ZNF644: variants seen among roughly 807,000 people sequenced by gnomAD.
The protein encoded by ZNF644 is zinc finger motif enhancer binding protein 2.
ZNF644 carries 20 observed loss-of-function variants against 108.0 expected under a neutral mutation model. That is an observed-to-expected ratio of 0.19 (90% CI 0.13 to 0.27). The LOEUF is 0.27. ZNF644 is among the 10% of genes least tolerant of loss of function. The pLI is 1.00. For synonymous variants in ZNF644, 542 were observed against 539.1 expected (o/e 1.01, Z -0.08); for missense variants, 1,338 against 1,548.9 (o/e 0.86, Z 2.29).
intron 2 of ZNF644, among the ~76,000 whole-genome samples, chr1:90,949,871 A>T (rs1652903620): frequency 6.6e-6 from 1 of 152,126 alleles, no homozygotes; most frequent in African/African-American, 2.4e-5. Flanking sequence ...TTAGCAGCTA[A>T]ATTTGCGTGT....
In ZNF644 at chr1:90,916,695, T is replaced by TC. The variant is rs1202650333; in HGVS notation, c.*102dup. 7.7e-7 allele frequency: 1 copy of TC among 1,293,014 alleles called. No individual in the cohort carries two copies. The highest frequency in any genetic ancestry group is 1.1e-6 in the Non-Finnish European group (1 of 910,504). 80.1% of individuals were successfully genotyped at this position (1,293,014 alleles called of 1,614,324 possible). A position where few individuals can be genotyped will look rare whatever the true frequency, so the allele number is the denominator to read the frequency against. On this transcript the variant is annotated 3_prime_UTR_variant, in exon 6 of 6. Transcript: ENST00000337393. The stretch of plus-strand genomic sequence containing the variant: ...ACTGTAATTCACTTTCCCCCCATTT[T>TC]CCTGCTTTAGTATTTATAAACAGAT...
chr1:90,934,148 C>T (rs1008652956), intron 4 of ZNF644, among the ~76,000 whole-genome samples: 24 of 152,172 alleles, frequency 1.6e-4, no homozygotes, highest in Admixed American at 6.5e-5. Context: ...ATTATAATCT[C>T]AGAGTAGGAG....
chr1:91,018,580 A>G (rs976595713), intron 1 of ZNF644, among the ~76,000 whole-genome samples: 8 of 152,380 alleles, frequency 5.3e-5, no homozygotes, highest in Middle Eastern at 3.4e-3. Context: ...AATCAGGGTT[A>G]GATAACTCAA....
At chr1:90,931,543 T>C (rs1440885750) in intron 4 of ZNF644, among the ~76,000 whole-genome samples, 2 of 152,134 alleles carry the variant, frequency 1.3e-5, no homozygotes, top group Non-Finnish European at 2.9e-5. Flanking sequence ...TCATAAATTA[T>C]CTACAAGTGA....
chr1:91,021,355 A>G (rs1034952328), intron 1 of ZNF644: 3 of 152,268 alleles, frequency 2.0e-5, no homozygotes, highest in Non-Finnish European at 4.4e-5. Context: ...TCCTGTCCCA[A>G]GTAAGGGGAG....
At chr1:90,950,102 ACC>A in intron 2 of ZNF644, among the ~76,000 whole-genome samples, 1 of 150,716 alleles carries the variant, frequency 6.6e-6, no homozygotes, top group Middle Eastern at 3.4e-3. Context: ...ACATGGTGAA[ACC>A]CCGTCTCTAC....
In ZNF644 at chr1:90,922,335, G is replaced by C. The variant is rs114242115; in HGVS notation, c.3689-4181C>G. Among the ~76,000 whole-genome samples, 524 of 152,260 alleles carry C rather than the reference G, an allele frequency of 3.4e-3. 2 individuals are homozygous for C. Among genetic ancestry groups the C allele is most frequent in the Non-Finnish European group, 5.1e-3 (344 of 68,006 alleles). On this transcript the variant is annotated intron_variant, in intron 4 of 5. Coordinates refer to ENST00000337393, the MANE Select transcript of ZNF644 (RefSeq NM_201269.3). The stretch of plus-strand genomic sequence containing the variant: ...GGGGTATCTATACCCAAAGTAAGAG[G>C]CACAGTATACCCCTACGAGAGGGAA...
intron 1 of ZNF644, among the ~76,000 whole-genome samples, chr1:91,015,228 G>T (rs1660326995): frequency 6.6e-6 from 1 of 152,112 alleles, no homozygotes; most frequent in East Asian, 1.9e-4. Context: ...GTGCTAGGAG[G>T]AGGTTGGTGG....
At position 90,937,956 on chromosome 1, in the gene ZNF644, T is replaced by G; in HGVS notation, c.3217A>C (p.Lys1073Gln). ...RLGKTKWDAH[K>Q]SPICVLNEMM... ...TCATTCAGAACACAGATTGGAGATTTGTGAGCATCCCATTTCGTCTTTCCA... is the reference window on the plus strand; with the variant it reads ...TCATTCAGAACACAGATTGGAGATTGGTGAGCATCCCATTTCGTCTTTCCA... The change falls in exon 4 of 6, where the codon AAA becomes CAA. Residue 1073 changes from lysine to glutamine, a missense_variant. By Grantham distance (53) the Lys-to-Gln change is moderately conservative. Transcript: ENST00000337393. 2 of 1,613,238 alleles carry G rather than the reference T, an allele frequency of 1.2e-6. No homozygotes were observed. Among genetic ancestry groups the G allele is most frequent in the Non-Finnish European group, 1.7e-6 (2 of 1,179,888 alleles).
chr1:90,932,082 A>T (rs1266673120), intron 4 of ZNF644, among the ~76,000 whole-genome samples: 2 of 152,204 alleles, frequency 1.3e-5, no homozygotes, highest in Non-Finnish European at 2.9e-5. Flanking sequence ...GAAGTATTTA[A>T]GTTACCAGTA....
chr1:90,921,581 C>CT (rs1389855156), intron 4 of ZNF644, among the ~76,000 whole-genome samples: 1 of 151,896 alleles, frequency 6.6e-6, no homozygotes, highest in Non-Finnish European at 1.5e-5. Flanking sequence ...TCATCCAAAC[C>CT]TTCCTAAGAT....
chr1:90,997,497 A>G (rs530499535), intron 1 of ZNF644, among the ~76,000 whole-genome samples: 1 of 152,242 alleles, frequency 6.6e-6, no homozygotes, highest in Admixed American at 6.5e-5. Context: ...GAATCTGATT[A>G]TCAGAGTTGT....
At chr1:90,983,250 A>C (rs1159914155) in intron 1 of ZNF644, among the ~76,000 whole-genome samples, 1 of 152,028 alleles carries the variant, frequency 6.6e-6, no homozygotes, top group Non-Finnish European at 1.5e-5. Flanking sequence ...CAGACCTAGA[A>C]TTTTCTGCAT....
chr1:91,010,844 T>C (rs1213692891), intron 1 of ZNF644, among the ~76,000 whole-genome samples: 6 of 151,992 alleles, frequency 3.9e-5, no homozygotes, highest in Non-Finnish European at 8.8e-5. Flanking sequence ...GTTATGAAAA[T>C]TGGGGGAAAT....
chr1:91,007,570 A>G (rs1047938341), intron 1 of ZNF644, among the ~76,000 whole-genome samples: 33 of 151,546 alleles, frequency 2.2e-4, no homozygotes, highest in Non-Finnish European at 7.4e-5. Context: ...TAGTTTTCTT[A>G]TTTTCTCCCA....
At chr1:91,007,202 T>C (rs984823423) in intron 1 of ZNF644, among the ~76,000 whole-genome samples, 7 of 150,844 alleles carry the variant, frequency 4.6e-5, no homozygotes, top group African/African-American at 7.3e-5. Context: ...TTATTCTTAA[T>C]TTCTTCCATT....
rs774350391 is a variant in ZNF644, at chr1:90,939,393, T to C, written c.1961A>G (p.Asn654Ser). 1.2e-6 allele frequency: 2 copies of C among 1,613,944 alleles called. No homozygotes were observed. Among genetic ancestry groups the C allele is most frequent in the Non-Finnish European group, 1.7e-6 (2 of 1,179,940 alleles). ...CTTCACATCTTGTTTTAAAGCAGAG[T>C]TCTTTGGAAATGTGGTTGACTGTTG... ...TKQQSTTFPKNSALKQDVKRT... is the reference protein window; with the variant it reads ...TKQQSTTFPKSSALKQDVKRT... The change falls in exon 3 of 6, where the codon AAC (asparagine) becomes AGC (serine). Residue 654 changes from asparagine (N) to serine (S), a missense_variant. Physicochemically the swap from Asn to Ser is conservative, Grantham distance 46. Coordinates refer to ENST00000337393, the MANE Select transcript of ZNF644 (RefSeq NM_201269.3).
intron 2 of ZNF644, among the ~76,000 whole-genome samples, chr1:90,965,258 C>T (rs1051636603): frequency 4.6e-5 from 7 of 152,126 alleles, no homozygotes; most frequent in Admixed American, 1.3e-4. Flanking sequence ...GGGCTGCTTC[C>T]TTCTGACTGC....
chr1:90,975,974 A>C (rs1443414064), intron 2 of ZNF644, among the ~76,000 whole-genome samples: 7 of 152,226 alleles, frequency 4.6e-5, no homozygotes, highest in Non-Finnish European at 2.9e-5. Flanking sequence ...AAACTTGTTT[A>C]AACAGTTTGA....
Sources: allele counts gnomAD v4.1 joint callset (sites outside exome capture counted in the v4.1 genomes callset), GRCh38; gene constraint gnomAD v4.1.1; transcripts MANE v1.5; gene names NCBI Gene and HGNC (gene_info 2026-07-23, HGNC 2026-07-21).